HDAC9: variants seen among roughly 807,000 people sequenced by gnomAD.
HDAC9 encodes the protein histone deacetylase 9, also known as MEF-2 interacting transcription repressor (MITR) protein.
A neutral mutation model predicts 139.4 loss-of-function variants in HDAC9; 41 were observed. The observed-to-expected ratio is 0.29, with a 90% confidence interval of 0.23 to 0.38. HDAC9 has a LOEUF of 0.38. Ranked by LOEUF, HDAC9 falls within the 10% of genes least tolerant of loss-of-function variation. HDAC9 has a pLI of 1.00. For missense variants in HDAC9, 1,147 were observed against 1,297.0 expected, an observed-to-expected ratio of 0.88 and a Z score of 1.78; for synonymous variants, 517 against 476.2, an observed-to-expected ratio of 1.09 and a Z score of -1.12.
chr7:18,204,332 CTTTT>C (rs35479287), intron 2 of HDAC9, among the ~76,000 whole-genome samples: 3 of 116,016 alleles, frequency 2.6e-5, no homozygotes, highest in Admixed American at 1.7e-4. Flanking sequence ...TTGAATCTGC[CTTTT>C]TTTTTTTTTT....
intron 2 of HDAC9, among the ~76,000 whole-genome samples, chr7:18,263,105 A>G (rs956727968): frequency 6.6e-6 from 1 of 152,164 alleles, no homozygotes; most frequent in Non-Finnish European, 1.5e-5. Flanking sequence ...TTCTCTATGT[A>G]AGAGACACAT....
intron 12 of HDAC9, among the ~76,000 whole-genome samples, chr7:18,707,885 G>A (rs1016758643): frequency 1.9e-4 from 28 of 145,926 alleles, no homozygotes; most frequent in African/African-American, 7.0e-4. Context: ...GTATGCACGT[G>A]CATACATGTG....
chr7:18,846,982 C>CT (rs1195725732), intron 21 of HDAC9, among the ~76,000 whole-genome samples: 5 of 152,212 alleles, frequency 3.3e-5, no homozygotes, highest in Non-Finnish European at 2.9e-5. Flanking sequence ...CAAACCAGAA[C>CT]TGAGCTAGGC....
rs770206985 is a variant in HDAC9 at position 18,647,893 on chromosome 7, C to G, written c.1144C>G (p.Pro382Ala). 21 of 1,612,766 alleles carry G rather than the reference C, an allele frequency of 1.3e-5. No individual in the cohort carries two copies. The Admixed American group carries it at 3.2e-4, about 24-fold the overall frequency. The change falls in exon 10 of 26, where the codon CCT becomes GCT. Residue 382 changes from proline (P) to alanine (A), a missense_variant. This residue lies in a region of HDAC9 where 264 missense variants were observed against 273.8 expected (regional missense o/e 0.96). Coordinates refer to ENST00000686413, the MANE Select transcript of HDAC9 (RefSeq NM_178425.4). ...GGSIPASSSH[P>A]HVTLEGKPPN... ...CAGCATCCCGGCATCTTCCAGCCAC[C>G]CTCATGTTACTTTAGAGGGAAAGCC...
intron 8 of HDAC9, among the ~76,000 whole-genome samples, chr7:18,640,109 G>C (rs1049310156): frequency 8.6e-5 from 13 of 151,746 alleles, no homozygotes; most frequent in African/African-American, 3.1e-4. Context: ...AAATGTGAGT[G>C]ATTACTGGCC....
chr7:18,946,853 A>G (rs1436125400), intron 23 of HDAC9, among the ~76,000 whole-genome samples: 2 of 152,106 alleles, frequency 1.3e-5, no homozygotes, highest in African/African-American at 4.8e-5. Flanking sequence ...CTAACATGAC[A>G]GAATATCATT....
chr7:18,137,773 G>T (rs1486094747), intron 1 of HDAC9, among the ~76,000 whole-genome samples: 4 of 151,872 alleles, frequency 2.6e-5, no homozygotes, highest in African/African-American at 9.7e-5. Flanking sequence ...TCTCTTTTTT[G>T]GTTGTGTCTC....
chr7:18,160,613 T>TTTA (rs781001594), intron 1 of HDAC9, among the ~76,000 whole-genome samples: 45 of 152,082 alleles, frequency 3.0e-4, no homozygotes, highest in Non-Finnish European at 6.0e-4. Context: ...AATGTTTGTA[T>TTTA]TTATTATTAT....
At chr7:18,390,079 C>CACAT (rs1340593960) in intron 1 of HDAC9, among the ~76,000 whole-genome samples, 1 of 151,652 alleles carries the variant, frequency 6.6e-6, no homozygotes, top group Non-Finnish European at 1.5e-5. Flanking sequence ...CACACACACA[C>CACAT]ACACACACAC....
chr7:18,838,925 G>C (rs1359903592), intron 21 of HDAC9, among the ~76,000 whole-genome samples: 1 of 151,764 alleles, frequency 6.6e-6, no homozygotes, highest in Non-Finnish European at 1.5e-5. Flanking sequence ...TCTATTATGT[G>C]CTTTTTCTAT....
At chr7:18,335,709 C>G (rs1204908668) in intron 1 of HDAC9, among the ~76,000 whole-genome samples, 1 of 151,516 alleles carries the variant, frequency 6.6e-6, no homozygotes, top group Non-Finnish European at 1.5e-5. Flanking sequence ...GAATCTCTTT[C>G]TCATAGAAGG....
At chr7:18,745,885 T>C (rs1787921648) in intron 13 of HDAC9, among the ~76,000 whole-genome samples, 2 of 111,260 alleles carry the variant, frequency 1.8e-5, no homozygotes, top group Non-Finnish European at 3.5e-5. Flanking sequence ...TTCTTCTTCT[T>C]TTTTTTTTTT....
At chr7:18,700,681 T>C (rs971169618) in intron 12 of HDAC9, among the ~76,000 whole-genome samples, 2 of 152,196 alleles carry the variant, frequency 1.3e-5, no homozygotes, top group Non-Finnish European at 2.9e-5. Context: ...TCTACTCTGC[T>C]AGGTCTAGGC....
chr7:18,311,833 A>G (rs919384308), intron 1 of HDAC9, among the ~76,000 whole-genome samples: 1 of 152,184 alleles, frequency 6.6e-6, no homozygotes, highest in Non-Finnish European at 1.5e-5. Flanking sequence ...CGTTAGAGCT[A>G]CTTTTCCATT....
At chr7:18,452,941 C>T (rs1793012394) in intron 1 of HDAC9, among the ~76,000 whole-genome samples, 1 of 152,086 alleles carries the variant, frequency 6.6e-6, no homozygotes, top group South Asian at 2.1e-4. Flanking sequence ...TAAACTTGGA[C>T]ACACATAATA....
chr7:18,154,172 G>A (rs899770267), intron 1 of HDAC9, among the ~76,000 whole-genome samples: 3 of 151,900 alleles, frequency 2.0e-5, no homozygotes, highest in Non-Finnish European at 2.9e-5. Context: ...CTATTCGAAT[G>A]TTTTTCTTTC....
chr7:18,521,623 G>A (rs1022015368), intron 2 of HDAC9, among the ~76,000 whole-genome samples: 1 of 152,094 alleles, frequency 6.6e-6, no homozygotes, highest in Middle Eastern at 3.4e-3. Context: ...ATATTTATTC[G>A]TATGCTGTTG....
At chr7:18,458,967 T>G (rs942502747) in intron 1 of HDAC9, 5 of 1,176,704 alleles carry the variant, frequency 4.2e-6, no homozygotes, top group Non-Finnish European at 6.1e-6. Context: ...AGTGGGTGAC[T>G]TCCTTTTCCA....
chr7:18,695,653 C>A (rs188784135), intron 12 of HDAC9, among the ~76,000 whole-genome samples: 40 of 152,194 alleles, frequency 2.6e-4, no homozygotes, highest in African/African-American at 9.2e-4. Context: ...GGTTTGTGTT[C>A]CTTGGTATTC....
Sources: gnomAD v4.1 joint callset for allele counts (sites outside exome capture counted in the v4.1 genomes callset) on GRCh38, gnomAD v4.1.1 for gene constraint, gnomAD v4.1.1 regional missense constraint, MANE v1.5 for transcripts, NCBI Gene and HGNC (gene_info 2026-07-23, HGNC 2026-07-21) for gene names.